Variants in KALRN observed in about 807,000 individuals in gnomAD.
The protein encoded by KALRN is kalirin.
In KALRN, 70 loss-of-function variants were observed where a neutral mutation model predicts 353.7. The ratio of observed to expected loss-of-function variants is 0.20; its 90% confidence interval spans 0.16 to 0.24. KALRN has a LOEUF of 0.24. Among genes scored for constraint, KALRN ranks in the 10% least tolerant of loss-of-function variants. The pLI, the probability that KALRN is intolerant of heterozygous loss-of-function variation, is 1.00. For synonymous variants in KALRN, 1,391 were observed against 1,434.8 expected (o/e 0.97, Z 0.69); for missense variants, 2,791 against 3,756.7 (o/e 0.74, Z 6.72).
At chr3:124,576,606 A>C (rs1329172738) in intron 34 of KALRN, among the ~76,000 whole-genome samples, 1 of 152,176 alleles carries the variant, frequency 6.6e-6, no homozygotes, top group Non-Finnish European at 1.5e-5. Context: ...CATTATCCAC[A>C]TTCCATTATT....
At position 124,717,957 on chromosome 3, in the gene KALRN, G is replaced by A. The variant is rs192786873; in HGVS notation, c.8415+572G>A. Among the ~76,000 whole-genome samples, 324 of 151,244 alleles carry A rather than the reference G, an allele frequency of 2.1e-3. 4 individuals are homozygous for A. Among genetic ancestry groups the A allele is most frequent in the East Asian group, 0.013 (64 of 4,986 alleles). The stretch of plus-strand genomic sequence containing the variant: ...CTCCCAAGTAGCTGGGATTACAGGC[G>A]CTCACCACCATGCCCAGCTAATTTT... On this transcript the variant is annotated intron_variant, in intron 59 of 59. Coordinates refer to ENST00000682506, the MANE Select transcript of KALRN (RefSeq NM_001388419.1).
intron 1 of KALRN, among the ~76,000 whole-genome samples, chr3:124,041,471 T>C (rs2149081501): frequency 6.6e-6 from 1 of 152,362 alleles, no homozygotes; most frequent in Middle Eastern, 3.4e-3. Flanking sequence ...CCATGGGACC[T>C]TTCCAGTCCA....
intron 1 of KALRN, among the ~76,000 whole-genome samples, chr3:124,191,596 G>T (rs1278943570): frequency 1.3e-5 from 2 of 152,142 alleles, no homozygotes; most frequent in East Asian, 1.9e-4. Context: ...GTCTAAGATG[G>T]TTTTTTTAAT....
intron 34 of KALRN, among the ~76,000 whole-genome samples, chr3:124,623,928 G>A (rs897070137): frequency 1.3e-5 from 2 of 152,226 alleles, no homozygotes; most frequent in Non-Finnish European, 2.9e-5. Context: ...GAAGCAGGTA[G>A]CACTTATGTG....
In KALRN at chr3:124,638,748, G is replaced by A. The variant is rs200555260; in HGVS notation, c.5664+1445G>A. On this transcript the variant is annotated intron_variant, in intron 37 of 59. Transcript: ENST00000682506. The stretch of plus-strand genomic sequence containing the variant: ...CCTCCCTCTTGGCTACATAAGCAGT[G>A]GTCTCCAATGGGGGGGTGCCCTCAG... Among the ~76,000 whole-genome samples, 22 of 126,600 alleles carry A rather than the reference G, an allele frequency of 1.7e-4. No homozygotes were observed. In the East Asian group the frequency reaches 5.9e-3, roughly 34 times the overall value. 83.1% of individuals were successfully genotyped at this position (126,600 alleles called of 152,430 possible).
intron 20 of KALRN, 88 bp downstream of exon 20, chr3:124,446,364 G>A (rs2150673214): frequency 3.3e-6 from 3 of 920,336 alleles, no homozygotes; most frequent in South Asian, 1.6e-5. Context: ...GAGGGCCACA[G>A]CAGCAGATTG....
At chr3:124,157,044 T>C (rs1181524166) in intron 1 of KALRN, among the ~76,000 whole-genome samples, 3 of 152,268 alleles carry the variant, frequency 2.0e-5, no homozygotes, top group African/African-American at 7.2e-5. Context: ...TTGTATATAA[T>C]AGAGTCACAG....
chr3:124,470,365 A>G (rs559689398), intron 25 of KALRN, among the ~76,000 whole-genome samples: 1 of 152,308 alleles, frequency 6.6e-6, no homozygotes, highest in South Asian at 2.1e-4. Flanking sequence ...AAGTAAGTAG[A>G]ATAATATGGA....
At chr3:124,254,647 T>A (rs758232888) in intron 3 of KALRN, among the ~76,000 whole-genome samples, 2 of 152,192 alleles carry the variant, frequency 1.3e-5, no homozygotes, top group Non-Finnish European at 2.9e-5. Flanking sequence ...ATACAGAGCC[T>A]CATGTGTTCG....
chr3:124,141,736 C>G (rs942088503), intron 1 of KALRN, among the ~76,000 whole-genome samples: 8 of 152,238 alleles, frequency 5.3e-5, no homozygotes, highest in African/African-American at 1.7e-4. Context: ...TCCTTTCAGT[C>G]ACAGCCTGTC....
intron 29 of KALRN, 43 bp from the exon 30 acceptor site, chr3:124,490,650 TG>T (rs779464700): frequency 6.3e-7 from 1 of 1,577,858 alleles, no homozygotes; most frequent in Admixed American, 1.7e-5. Context: ...CCCCTGACTG[TG>T]GCAGTAGAGA....
intron 1 of KALRN, among the ~76,000 whole-genome samples, chr3:124,205,709 G>A (rs757566155): frequency 3.9e-5 from 6 of 152,088 alleles, no homozygotes; most frequent in Non-Finnish European, 7.4e-5. Flanking sequence ...TTTAGATTTG[G>A]GAATCAGAAC....
intron 34 of KALRN, among the ~76,000 whole-genome samples, chr3:124,616,157 T>G (rs1441976809): frequency 6.6e-6 from 1 of 152,232 alleles, no homozygotes; most frequent in African/African-American, 2.4e-5. Flanking sequence ...TTCTCTCAGG[T>G]TTCCTAGGAG....
chr3:124,174,237 C>A (rs1293416786), intron 1 of KALRN, among the ~76,000 whole-genome samples: 1 of 151,822 alleles, frequency 6.6e-6, no homozygotes, highest in Non-Finnish European at 1.5e-5. Context: ...AGTTTAAGAC[C>A]AGCCTGGTCA....
At chr3:124,232,386 G>A (rs939115366) in intron 2 of KALRN, among the ~76,000 whole-genome samples, 1 of 152,128 alleles carries the variant, frequency 6.6e-6, no homozygotes, top group Non-Finnish European at 1.5e-5. Context: ...ACTGCCTCTT[G>A]TCTACTGTTC....
At position 124,588,274 on chromosome 3, in the gene KALRN, C is replaced by T. The variant is rs147332162; in HGVS notation, c.5182+25185C>T. Reference sequence around the variant, plus strand: ...GGAGTTAGTTTTGGGATAGCTTTGACTAGCTAGACTGTCCTTCAAGCCTGA... The same window carrying T: ...GGAGTTAGTTTTGGGATAGCTTTGATTAGCTAGACTGTCCTTCAAGCCTGA... On this transcript the variant is annotated intron_variant, in intron 34 of 59. Coordinates refer to ENST00000682506, the MANE Select transcript of KALRN (RefSeq NM_001388419.1). Among the ~76,000 whole-genome samples, 14 of 152,258 alleles carry T rather than the reference C, an allele frequency of 9.2e-5. 1 individual carries two copies. In the East Asian group the frequency reaches 2.7e-3, roughly 29 times the overall value.
chr3:124,717,417 T>C, intron 59 of KALRN, 32 bp downstream of exon 59: 2 of 1,538,300 alleles, frequency 1.3e-6, no homozygotes, highest in African/African-American at 1.4e-5. Flanking sequence ...CTGGGCGCAG[T>C]GGCTCACGCC....
intron 1 of KALRN, among the ~76,000 whole-genome samples, chr3:124,169,050 T>C (rs564683453): frequency 6.6e-6 from 1 of 152,332 alleles, no homozygotes; most frequent in South Asian, 2.1e-4. Context: ...CTAAATCCTG[T>C]TTATTGACTG....
intron 3 of KALRN, among the ~76,000 whole-genome samples, chr3:124,237,302 G>A (rs761890843): frequency 1.3e-5 from 2 of 151,896 alleles, no homozygotes; most frequent in African/African-American, 4.8e-5. Context: ...GGCTCTGGTT[G>A]TTGGAGGTGG....
Sources: gnomAD v4.1 joint callset for allele counts (sites outside exome capture counted in the v4.1 genomes callset) on GRCh38, gnomAD v4.1.1 for gene constraint, MANE v1.5 for transcripts, NCBI Gene and HGNC (gene_info 2026-07-23, HGNC 2026-07-21) for gene names.